BNC2: variants seen among roughly 807,000 people sequenced by gnomAD.
The protein encoded by BNC2 is basonuclin zinc finger protein 2.
BNC2 carries 20 observed loss-of-function variants against 76.3 expected under a neutral mutation model. The ratio of observed to expected loss-of-function variants is 0.26; its 90% CI spans 0.18 to 0.38. The LOEUF (loss-of-function observed/expected upper bound fraction) is 0.38. Among genes scored for constraint, BNC2 ranks in the 10% least tolerant of loss-of-function variants. The pLI, the probability that BNC2 is intolerant of heterozygous loss-of-function variation, is 1.00. For synonymous variants in BNC2, 582 were observed against 514.8 expected (o/e 1.13, Z -1.77); for missense variants, 1,382 against 1,399.8 (o/e 0.99, Z 0.20).
intron 3 of BNC2, among the ~76,000 whole-genome samples, chr9:16,681,968 C>T (rs1349677278): frequency 6.6e-6 from 1 of 151,858 alleles, no homozygotes; most frequent in African/African-American, 2.4e-5. Flanking sequence ...GGCTACTGGT[C>T]CACTTAGACT....
At chr9:16,652,453 G>A (rs571869285) in intron 3 of BNC2, among the ~76,000 whole-genome samples, 53 of 133,552 alleles carry the variant, frequency 4.0e-4, no homozygotes, top group Non-Finnish European at 6.2e-4. Flanking sequence ...GGCTTTTCAC[G>A]AAAGTGAATG....
chr9:16,687,505 C>G (rs540000585), intron 3 of BNC2, among the ~76,000 whole-genome samples: 5 of 152,138 alleles, frequency 3.3e-5, no homozygotes, highest in Admixed American at 2.0e-4. Context: ...TATGGAAGGC[C>G]ACTAATGAGT....
intron 1 of BNC2, among the ~76,000 whole-genome samples, chr9:16,834,873 T>C (rs2136048899): frequency 6.6e-6 from 1 of 152,250 alleles, no homozygotes; most frequent in South Asian, 2.1e-4. Flanking sequence ...TTTTTTTAAG[T>C]GAGATGTTAA....
At chr9:16,538,481 A>C (rs1818197249) in intron 5 of BNC2, among the ~76,000 whole-genome samples, 1 of 152,204 alleles carries the variant, frequency 6.6e-6, no homozygotes, top group African/African-American at 2.4e-5. Context: ...GAGTGACTTC[A>C]CAGGCAGTTT....
At chr9:16,671,402 C>T (rs115252423) in intron 3 of BNC2, among the ~76,000 whole-genome samples, 2,899 of 152,266 alleles carry the variant, frequency 0.019, 93 homozygotes, top group African/African-American at 0.065. Context: ...TGCAGAAAGG[C>T]TGGAGAACAC....
chr9:16,575,378 T>A (rs1819454259), intron 4 of BNC2: 1 of 985,258 alleles, frequency 1.0e-6, no homozygotes. Context: ...CTTGCCAGCC[T>A]CACTTTATGT....
At chr9:16,759,363 T>A (rs1481144245) in intron 1 of BNC2, among the ~76,000 whole-genome samples, 1 of 152,200 alleles carries the variant, frequency 6.6e-6, no homozygotes, top group Non-Finnish European at 1.5e-5. Flanking sequence ...AGAGAGGACT[T>A]TAATGGAAAG....
intron 1 of BNC2, among the ~76,000 whole-genome samples, chr9:16,825,044 C>CTTTT (rs56055394): frequency 6.7e-6 from 1 of 148,878 alleles, no homozygotes; most frequent in Non-Finnish European, 1.5e-5. Context: ...TCTTACCCCT[C>CTTTT]TTTTTTTTTT....
rs1169510594 is a variant in BNC2 at position 16,800,720 on chromosome 9, T to G, written c.4-62235A>C. 2.0e-5 allele frequency among the ~76,000 whole-genome samples: 3 copies of G among 152,324 alleles called. No homozygotes were observed. The East Asian group carries it at 5.8e-4, about 29-fold the overall frequency. On this transcript the variant is annotated intron_variant, in intron 1 of 6. Coordinates refer to ENST00000380672, the MANE Select transcript of BNC2 (RefSeq NM_017637.6). ...TGGAATTTTACTCCCTACAGCCTAG[T>G]GATTTTAAATGCCCTGTGACCCTCT...
At chr9:16,514,240 C>T (rs1822826799) in intron 5 of BNC2, among the ~76,000 whole-genome samples, 1 of 152,168 alleles carries the variant, frequency 6.6e-6, no homozygotes, top group African/African-American at 2.4e-5. Flanking sequence ...GACCATGCAG[C>T]CTGAGAGTTA....
At chr9:16,490,010 C>A (rs1423070127) in intron 5 of BNC2, among the ~76,000 whole-genome samples, 1 of 152,106 alleles carries the variant, frequency 6.6e-6, no homozygotes, top group African/African-American at 2.4e-5. Flanking sequence ...GAAAACAATA[C>A]ACGGATCTTT....
intron 3 of BNC2, among the ~76,000 whole-genome samples, chr9:16,680,575 A>T (rs1009990517): frequency 1.7e-4 from 22 of 130,988 alleles, no homozygotes; most frequent in Non-Finnish European, 3.0e-4. Context: ...TTAAATGTTT[A>T]AAAAAAAAAA....
intron 5 of BNC2, among the ~76,000 whole-genome samples, chr9:16,445,026 T>G (rs1821202549): frequency 6.6e-6 from 1 of 152,294 alleles, no homozygotes. Context: ...TGTGTGTCTA[T>G]GTGCCTGCAA....
chr9:16,461,677 A>G (rs1296514572), intron 5 of BNC2, among the ~76,000 whole-genome samples: 2 of 152,278 alleles, frequency 1.3e-5, no homozygotes, highest in East Asian at 3.9e-4. Flanking sequence ...GCCCTGCAAC[A>G]CGCTGCATCA....
chr9:16,859,310 A>C (rs898298840), intron 1 of BNC2, among the ~76,000 whole-genome samples: 2 of 152,222 alleles, frequency 1.3e-5, no homozygotes, highest in Non-Finnish European at 2.9e-5. Context: ...CAAAAAATTA[A>C]GAACTACTGT....
intron 5 of BNC2, among the ~76,000 whole-genome samples, chr9:16,518,247 G>A (rs1208620000): frequency 1.3e-5 from 2 of 152,104 alleles, no homozygotes; most frequent in Admixed American, 1.3e-4. Context: ...GGGCAACATA[G>A]GGAGACCCTG....
At chr9:16,705,268 A>G (rs1019759844) in intron 3 of BNC2, among the ~76,000 whole-genome samples, 1 of 152,130 alleles carries the variant, frequency 6.6e-6, no homozygotes, top group Non-Finnish European at 1.5e-5. Context: ...AAAGGAATGC[A>G]CTAGTCACAA....
intron 3 of BNC2, among the ~76,000 whole-genome samples, chr9:16,661,380 A>G (rs1367692598): frequency 1.3e-5 from 2 of 152,186 alleles, no homozygotes; most frequent in African/African-American, 4.8e-5. Context: ...CCCTTACTAA[A>G]TCACAAGTTT....
At chr9:16,530,782 C>T (rs372534964) in intron 5 of BNC2, among the ~76,000 whole-genome samples, 11 of 152,174 alleles carry the variant, frequency 7.2e-5, no homozygotes, top group African/African-American at 1.9e-4. Flanking sequence ...AGTTCACTAA[C>T]GGCAGACTGT....
Sources: allele counts gnomAD v4.1 joint callset (sites outside exome capture counted in the v4.1 genomes callset), GRCh38; gene constraint gnomAD v4.1.1; transcripts MANE v1.5; gene names NCBI Gene and HGNC (gene_info 2026-07-23, HGNC 2026-07-21).